TUBGCP5: variants seen among roughly 807,000 people sequenced by gnomAD.
The protein encoded by TUBGCP5 is tubulin gamma complex component 5.
Under a neutral mutation model 134.7 loss-of-function variants are expected in TUBGCP5, and 98 were observed. The observed-to-expected ratio is 0.73, with a 90% confidence interval of 0.62 to 0.86. The LOEUF (loss-of-function observed/expected upper bound fraction) is 0.86, where lower values mean the gene tolerates loss of function less well. TUBGCP5 is among the 40% of genes least tolerant of loss of function. The probability of loss-of-function intolerance (pLI) is 0.00; values close to 1 mark genes in which losing one functional copy is unlikely to be tolerated. For missense variants in TUBGCP5, 1,150 were observed against 1,244.8 expected, an observed-to-expected ratio of 0.92 and a Z score of 1.15; for synonymous variants, 456 against 431.4, an observed-to-expected ratio of 1.06 and a Z score of -0.71.
intron 16 of TUBGCP5, among the ~76,000 whole-genome samples, chr15:23,006,714 C>T (rs1189576440): frequency 6.6e-6 from 1 of 152,062 alleles, no homozygotes; most frequent in African/African-American, 2.4e-5. Flanking sequence ...CAGAGCAGCT[C>T]GACGGAGCCG....
chr15:23,025,103 T>C (rs905973721), intron 8 of TUBGCP5, among the ~76,000 whole-genome samples: 1 of 152,136 alleles, frequency 6.6e-6, no homozygotes, highest in Non-Finnish European at 1.5e-5. Flanking sequence ...GGTTTCACCA[T>C]GTTGCCCAGG....
chr15:23,005,724 C>T (rs1698580510), intron 18 of TUBGCP5, 114 bp from the exon 19 acceptor site: 5 of 1,180,050 alleles, frequency 4.2e-6, no homozygotes. Flanking sequence ...ACAGAAAGCA[C>T]TGGCAGGGGT....
chr15:22,999,820 T>A lies in TUBGCP5; in HGVS notation c.3075A>T (p.Ter1025TyrextTer5), dbSNP rs1302313872. 1 of 1,613,604 alleles carries A rather than the reference T, an allele frequency of 6.2e-7. No homozygotes were observed. Among genetic ancestry groups the A allele is most frequent in the Admixed American group, 1.7e-5 (1 of 60,024 alleles). The change falls in exon 23 of 23, where the codon TAA becomes TAT. Residue 1025 changes from the stop codon to tyrosine, a stop_lost. Transcript: ENST00000615383. ...GAGATATTTATTACGCTGAAGACAT[T>A]TAACTTTGTTCCATGCCAGCCATGA... ...LSLMAGMEQS[*>Y]
intron 1 of TUBGCP5, among the ~76,000 whole-genome samples, chr15:23,039,172 G>A (rs1164848832): frequency 6.6e-6 from 1 of 152,054 alleles, no homozygotes; most frequent in Non-Finnish European, 1.5e-5. Flanking sequence ...TCCCCGTGAC[G>A]ATCAGGACGC....
At chr15:23,022,211 C>A in intron 10 of TUBGCP5, 50 bp from the exon 11 acceptor site, 1 of 1,577,006 alleles carries the variant, frequency 6.3e-7, no homozygotes, top group Non-Finnish European at 8.7e-7. Flanking sequence ...ATACATGCAT[C>A]TAAAATGTGA....
At chr15:23,033,510 C>G (rs1220400662) in intron 3 of TUBGCP5, among the ~76,000 whole-genome samples, 1 of 152,168 alleles carries the variant, frequency 6.6e-6, no homozygotes, top group Admixed American at 6.5e-5. Flanking sequence ...AACTCCTGAC[C>G]TCATGATCCG....
chr15:23,030,937 C>T lies in TUBGCP5; in HGVS notation c.570G>A (p.Pro190=), dbSNP rs199643645. Residue 190 remains proline (P), a synonymous_variant, in exon 6 of 23, where the codon CCG becomes CCA. Coordinates refer to ENST00000615383, the MANE Select transcript of TUBGCP5 (RefSeq NM_052903.6). ...EDSGIQVDRT[P]LEEQDQNRKL... is the part of the protein sequence containing the mutation. ...TTCTGTTTTGATCTTGTTCTTCTAA[C>T]GGTGTCCTGTCTACCTGAATTCCAG... 3.9e-5 allele frequency: 63 copies of T among 1,613,502 alleles called. No individual in the cohort carries two copies. Among genetic ancestry groups the T allele is most frequent in the Non-Finnish European group, 4.5e-5 (53 of 1,179,880 alleles).
chr15:22,984,917 G>T (rs2063635761), intron 23 of TUBGCP5, among the ~76,000 whole-genome samples: 1 of 152,140 alleles, frequency 6.6e-6, no homozygotes, highest in African/African-American at 2.4e-5. Flanking sequence ...CTCATCAAAA[G>T]AATGTTAAAA....
chr15:23,009,923 C>A (rs191662420), intron 15 of TUBGCP5, 22 bp downstream of exon 15: 1 of 1,598,698 alleles, frequency 6.3e-7, no homozygotes, highest in African/African-American at 1.3e-5. Flanking sequence ...TTACTACTTC[C>A]AAAATTAAAT....
chr15:23,031,073 T>G, intron 5 of TUBGCP5, 53 bp from the exon 6 acceptor site: 1 of 1,478,318 alleles, frequency 6.8e-7, no homozygotes, highest in Non-Finnish European at 9.0e-7. Context: ...CACTTAAAGC[T>G]ATTTACATTA....
chr15:23,000,428 G>A, intron 22 of TUBGCP5, 141 bp downstream of exon 22: 1 of 1,432,448 alleles, frequency 7.0e-7, no homozygotes, highest in Non-Finnish European at 9.1e-7. Flanking sequence ...TTCAAAGCAT[G>A]GGACAACTGC....
rs1161859042 is a variant in TUBGCP5 at position 23,006,287 on chromosome 15, C to A, written c.2393G>T (p.Gly798Val). The A allele has an allele frequency of 6.2e-7, 1 of 1,610,732 alleles. No homozygotes were observed. The highest frequency in any genetic ancestry group is 8.5e-7 in the Non-Finnish European group (1 of 1,179,274). ...ATATACCTTGTAGCTGAGGGTCAGA[C>A]CATCTAAGATATGAACAGGCAGCTT... Reference protein sequence around the residue: ...KKKLPVHILDGLTLSYKVPWP... With the variant: ...KKKLPVHILDVLTLSYKVPWP... Residue 798 changes from glycine (G) to valine (V), a missense_variant, in exon 17 of 23, where the codon GGT becomes GTT. Around this residue, in one of 2 missense-constraint regions of TUBGCP5, gnomAD observed 697 missense variants for 850.1 expected, o/e 0.82. Coordinates refer to ENST00000615383, the MANE Select transcript of TUBGCP5 (RefSeq NM_052903.6).
chr15:23,004,646 T>C (rs2064598435), intron 19 of TUBGCP5: 1 of 158,332 alleles, frequency 6.3e-6, no homozygotes, highest in South Asian at 1.9e-4. Flanking sequence ...AAAATGAGTA[T>C]AAGTATACCT....
chr15:23,022,086 A>C lies in TUBGCP5; in HGVS notation c.1244T>G (p.Val415Gly), dbSNP rs1262648650. The change falls in exon 11 of 23, where the codon GTG (valine) becomes GGG (glycine). Residue 415 changes from valine to glycine, a missense_variant. Coordinates refer to ENST00000615383, the MANE Select transcript of TUBGCP5 (RefSeq NM_052903.6). ...AACTTCTGCTACTCCAGTACTAAAC[A>C]CTTTGTGCAGAACCTTGAGCTGAGA... ...RLSQLKVLHK[V>G]FSTGVAEVPP... is the part of the protein sequence containing the mutation. The C allele has an allele frequency of 6.2e-7, 1 of 1,614,196 alleles. No individual in the cohort carries two copies. Among genetic ancestry groups the C allele is most frequent in the Admixed American group, 1.7e-5 (1 of 60,012 alleles).
At chr15:23,033,280 T>C (rs1456208173) in intron 3 of TUBGCP5, among the ~76,000 whole-genome samples, 1 of 152,024 alleles carries the variant, frequency 6.6e-6, no homozygotes, top group African/African-American at 2.4e-5. Context: ...TGTTGTTTCA[T>C]ATTTTTTTTC....
chr15:23,015,685 C>A (rs551199183), intron 13 of TUBGCP5, among the ~76,000 whole-genome samples: 1 of 152,150 alleles, frequency 6.6e-6, no homozygotes, highest in South Asian at 2.1e-4. Flanking sequence ...CCACGCCCAG[C>A]CAACTGTGCC....
chr15:23,033,869 T>C (rs2066444368), intron 3 of TUBGCP5, among the ~76,000 whole-genome samples: 1 of 152,180 alleles, frequency 6.6e-6, no homozygotes, highest in Admixed American at 6.5e-5. Context: ...TGGGTATTAC[T>C]CTCCTCTGTT....
chr15:23,021,164 T>C (rs930179291), intron 11 of TUBGCP5, among the ~76,000 whole-genome samples: 2 of 152,004 alleles, frequency 1.3e-5, no homozygotes, highest in Non-Finnish European at 2.9e-5. Flanking sequence ...AGAGACAGGG[T>C]CTCAGTATGT....
chr15:23,006,701 G>T lies in TUBGCP5; in HGVS notation c.2328-349C>A, dbSNP rs74948069. Among the ~76,000 whole-genome samples, 9 of 152,088 alleles carry T rather than the reference G, an allele frequency of 5.9e-5. 1 individual carries two copies. Among genetic ancestry groups the T allele is most frequent in the Admixed American group, 1.3e-4 (2 of 15,256 alleles). ...AGGTTGGGGGTGGGCAGGAGAGGAC[G>T]AGCAGAGCAGCTCGACGGAGCCGAG... is the stretch of plus-strand genomic sequence containing the variant. On this transcript the variant is annotated intron_variant, in intron 16 of 22. Coordinates refer to ENST00000615383, the MANE Select transcript of TUBGCP5 (RefSeq NM_052903.6).
Sources: gnomAD v4.1 joint callset for allele counts (sites outside exome capture counted in the v4.1 genomes callset) on GRCh38, gnomAD v4.1.1 for gene constraint, gnomAD v4.1.1 regional missense constraint, MANE v1.5 for transcripts, NCBI Gene and HGNC (gene_info 2026-07-23, HGNC 2026-07-21) for gene names.